GLIS3: variants seen among roughly 807,000 people sequenced by gnomAD.
GLIS3 encodes GLIS family zinc finger 3, also known as zinc finger protein GLIS3.
GLIS3 carries 53 observed loss-of-function variants against 78.6 expected under a neutral mutation model. The observed-to-expected ratio is 0.67, with a 90% CI of 0.54 to 0.85. The LOEUF (loss-of-function observed/expected upper bound fraction) is 0.85, where lower values mean the gene tolerates loss of function less well. GLIS3 is among the 40% of genes least tolerant of loss of function. The pLI is 0.00. For synonymous variants in GLIS3, 684 were observed against 509.9 expected, an observed-to-expected ratio of 1.34 and a Z score of -4.60; for missense variants, 1,703 against 1,231.1, an observed-to-expected ratio of 1.38 and a Z score of -5.74.
At chr9:4,097,290 A>G (rs1334034648) in intron 4 of GLIS3, among the ~76,000 whole-genome samples, 2 of 152,136 alleles carry the variant, frequency 1.3e-5, no homozygotes, top group South Asian at 2.1e-4. Context: ...CAAAGTAAAA[A>G]AAAGTATGAG....
At chr9:3,996,980 T>C (rs1373094563) in intron 4 of GLIS3, among the ~76,000 whole-genome samples, 1 of 152,192 alleles carries the variant, frequency 6.6e-6, no homozygotes, top group Non-Finnish European at 1.5e-5. Context: ...AAAATACATC[T>C]TAAATAATAC....
the GLIS3 span, among the ~76,000 whole-genome samples, chr9:4,466,787 G>A: frequency 6.6e-6 from 1 of 152,214 alleles, no homozygotes; most frequent in African/African-American, 2.4e-5. Flanking sequence ...GGGCTTGTCA[G>A]ACAGTGGGTG....
intron 4 of GLIS3, among the ~76,000 whole-genome samples, chr9:4,029,417 G>C (rs1015659822): frequency 6.6e-6 from 1 of 152,118 alleles, no homozygotes; most frequent in Non-Finnish European, 1.5e-5. Flanking sequence ...CATGGAAAAT[G>C]TGTTATCCGT....
Position 3,828,169 on chromosome 9 carries a change from G to A in GLIS3, c.*103C>T, listed in dbSNP as rs2129920261. 1 of 1,380,486 alleles carries A rather than the reference G, an allele frequency of 7.2e-7. No homozygotes were observed. Among genetic ancestry groups the A allele is most frequent in the Admixed American group, 1.7e-5 (1 of 59,258 alleles). 85.5% of individuals were successfully genotyped at this position (1,380,486 alleles called of 1,614,324 possible). A position where few individuals can be genotyped will look rare whatever the true frequency, so the allele number is the denominator to read the frequency against. On this transcript the variant is annotated 3_prime_UTR_variant, in exon 11 of 11. Transcript: ENST00000381971. ...CATCAGTAACTCTGCAGGGCCCGCTGATTGGGCTGACATCCTTCCTCAAGC... is the reference window on the plus strand; with the variant it reads ...CATCAGTAACTCTGCAGGGCCCGCTAATTGGGCTGACATCCTTCCTCAAGC...
the GLIS3 span, among the ~76,000 whole-genome samples, chr9:4,459,243 T>A: frequency 6.6e-6 from 1 of 152,162 alleles, no homozygotes; most frequent in South Asian, 2.1e-4. Context: ...GTGAAGGTTG[T>A]CAGCATTATA....
chr9:4,062,329 G>T (rs543839431), intron 4 of GLIS3, among the ~76,000 whole-genome samples: 1 of 152,198 alleles, frequency 6.6e-6, no homozygotes, highest in Admixed American at 6.5e-5. Flanking sequence ...ATACTGGTGG[G>T]ATTGGGAGAG....
At chr9:4,411,145 G>T in the GLIS3 span, among the ~76,000 whole-genome samples, 1 of 152,152 alleles carries the variant, frequency 6.6e-6, no homozygotes, top group Non-Finnish European at 1.5e-5. Flanking sequence ...CACTCACAAT[G>T]TCCTCTTGAA....
chr9:4,475,782 G>T, the GLIS3 span, among the ~76,000 whole-genome samples: 1 of 152,282 alleles, frequency 6.6e-6, no homozygotes, highest in Admixed American at 6.5e-5. Flanking sequence ...CTAAAAAGAG[G>T]CAACTGAAGA....
intron 2 of GLIS3, among the ~76,000 whole-genome samples, chr9:4,215,789 A>G (rs890771805): frequency 1.3e-5 from 2 of 152,180 alleles, no homozygotes; most frequent in African/African-American, 4.8e-5. Flanking sequence ...CCAGCTTTCA[A>G]TGTTTGTCTT....
chr9:4,048,994 C>A (rs1825485113), intron 4 of GLIS3, among the ~76,000 whole-genome samples: 1 of 152,154 alleles, frequency 6.6e-6, no homozygotes, highest in Admixed American at 6.5e-5. Flanking sequence ...GTCAGCAGAC[C>A]TCAATCTGGA....
At chr9:3,958,838 C>T (rs999832348) in intron 4 of GLIS3, among the ~76,000 whole-genome samples, 8 of 152,160 alleles carry the variant, frequency 5.3e-5, no homozygotes, top group Admixed American at 4.6e-4. Flanking sequence ...CTTAGGGAAA[C>T]AGAAATAATA....
At chr9:3,863,669 C>G (rs1321079870) in intron 8 of GLIS3, among the ~76,000 whole-genome samples, 3 of 152,202 alleles carry the variant, frequency 2.0e-5, no homozygotes, top group Non-Finnish European at 2.9e-5. Flanking sequence ...GAAACGATCA[C>G]AAATACTTTT....
chr9:4,429,317 T>C, the GLIS3 span, among the ~76,000 whole-genome samples: 3 of 151,950 alleles, frequency 2.0e-5, no homozygotes, highest in Admixed American at 6.6e-5. Context: ...TCCAGCCTCA[T>C]GCCCCCAACT....
chr9:4,487,011 T>C, the GLIS3 span, among the ~76,000 whole-genome samples: 1 of 152,132 alleles, frequency 6.6e-6, no homozygotes, highest in Non-Finnish European at 1.5e-5. Context: ...TGGTAGACAC[T>C]TTGGAAATGC....
At chr9:4,138,549 T>G (rs1035298502) in intron 2 of GLIS3, among the ~76,000 whole-genome samples, 1 of 151,576 alleles carries the variant, frequency 6.6e-6, no homozygotes, top group Non-Finnish European at 1.5e-5. Context: ...ATATGAAGAG[T>G]TGGATGGCCA....
intron 2 of GLIS3, among the ~76,000 whole-genome samples, chr9:4,235,942 C>T (rs910722898): frequency 2.0e-5 from 3 of 152,034 alleles, no homozygotes; most frequent in Non-Finnish European, 4.4e-5. Flanking sequence ...CAACGATCAC[C>T]TCTAATGAAC....
intron 3 of GLIS3, among the ~76,000 whole-genome samples, chr9:4,119,676 G>A (rs189826267): frequency 1.3e-5 from 2 of 152,160 alleles, no homozygotes; most frequent in Non-Finnish European, 2.9e-5. Context: ...GCAGCTTTGG[G>A]CCAAGAGCAG....
At chr9:4,149,921 A>G (rs1834535069) in intron 2 of GLIS3, among the ~76,000 whole-genome samples, 1 of 152,262 alleles carries the variant, frequency 6.6e-6, no homozygotes, top group African/African-American at 2.4e-5. Context: ...ACTTGCATAT[A>G]TCTTACTACA....
At chr9:4,084,924 C>T (rs889173587) in intron 4 of GLIS3, among the ~76,000 whole-genome samples, 1 of 151,444 alleles carries the variant, frequency 6.6e-6, no homozygotes, top group Non-Finnish European at 1.5e-5. Context: ...GTCAAAAAGA[C>T]GCAGATAAGG....
Sources: allele counts gnomAD v4.1 joint callset (sites outside exome capture counted in the v4.1 genomes callset), GRCh38; gene constraint gnomAD v4.1.1; transcripts MANE v1.5; gene names NCBI Gene and HGNC (gene_info 2026-07-23, HGNC 2026-07-21).